The following LRRC8B variants were observed in gnomAD, a reference collection of about 807,000 sequenced individuals.
The protein encoded by LRRC8B is leucine rich repeat containing 8 VRAC subunit B.
A neutral mutation model predicts 58.8 loss-of-function variants in LRRC8B; 23 were observed. That is an observed-to-expected ratio of 0.39 (90% CI 0.28 to 0.55). LRRC8B has a LOEUF of 0.55. Ranked by LOEUF, LRRC8B falls within the 20% of genes least tolerant of loss-of-function variation. The pLI is 0.62. For synonymous variants in LRRC8B, 359 were observed against 374.1 expected, an observed-to-expected ratio of 0.96 and a Z score of 0.47; for missense variants, 694 against 936.0, an observed-to-expected ratio of 0.74 and a Z score of 3.37.
Position 89,584,173 on chromosome 1 carries a change from A to G in LRRC8B, c.1523A>G (p.His508Arg), listed in dbSNP as rs1249205815. 2 of 1,611,598 alleles carry G rather than the reference A, an allele frequency of 1.2e-6. No homozygotes were observed. Among genetic ancestry groups the G allele is most frequent in the Non-Finnish European group, 1.7e-6 (2 of 1,180,010 alleles). ...GGAAAAATCCCACGCTGGGTATTTC[A>G]CCTCAAGAATCTCAAGGAACTTTAT... ...EMGKIPRWVFHLKNLKELYLS... is the reference protein window; with the variant it reads ...EMGKIPRWVFRLKNLKELYLS... Residue 508 changes from histidine (H) to arginine (R), a missense_variant, in exon 5 of 6, where the codon CAC becomes CGC. His to Arg is a conservative substitution (Grantham distance 29). Coordinates refer to ENST00000330947, the MANE Select transcript of LRRC8B (RefSeq NM_001369817.2).
chr1:89,591,116 T>C (rs1321889187), intron 5 of LRRC8B, among the ~76,000 whole-genome samples: 1 of 152,174 alleles, frequency 6.6e-6, no homozygotes, highest in African/African-American at 2.4e-5. Flanking sequence ...TCTAACTCAG[T>C]ACTTGATCCC....
chr1:89,549,524 G>A (rs1411764637), intron 1 of LRRC8B, among the ~76,000 whole-genome samples: 1 of 152,164 alleles, frequency 6.6e-6, no homozygotes, highest in African/African-American at 2.4e-5. Context: ...GCAATAGGGA[G>A]GCTGCAAGTT....
At chr1:89,543,159 A>T (rs1651145313) in intron 1 of LRRC8B, among the ~76,000 whole-genome samples, 1 of 152,190 alleles carries the variant, frequency 6.6e-6, no homozygotes, top group South Asian at 2.1e-4. Flanking sequence ...TTCAATCTTC[A>T]CATTTTCTGA....
intron 3 of LRRC8B, among the ~76,000 whole-genome samples, chr1:89,576,821 GA>G (rs1351945617): frequency 6.6e-6 from 1 of 152,116 alleles, no homozygotes; most frequent in Non-Finnish European, 1.5e-5. Flanking sequence ...GGGACATAAG[GA>G]AACTAGTATA....
In LRRC8B at chr1:89,584,460, A is replaced by T; in HGVS notation, c.1810A>T (p.Ile604Phe). Residue 604 changes from isoleucine to phenylalanine, a missense_variant, in exon 5 of 6, where the codon ATT (isoleucine) becomes TTT (phenylalanine). Coordinates refer to ENST00000330947, the MANE Select transcript of LRRC8B (RefSeq NM_001369817.2). ...TGACCTGGAACGCATCCCACATTCC[A>T]TTTTCAGCCTGAATAATTTGCATGA... ...SCDLERIPHS[I>F]FSLNNLHELD... 6.2e-7 allele frequency: 1 copy of T among 1,614,166 alleles called. No individual in the cohort carries two copies. The highest frequency in any genetic ancestry group is 8.5e-7 in the Non-Finnish European group (1 of 1,180,024).
At chr1:89,550,500 G>T (rs1417401851) in intron 1 of LRRC8B, among the ~76,000 whole-genome samples, 1 of 152,080 alleles carries the variant, frequency 6.6e-6, no homozygotes, top group African/African-American at 2.4e-5. Flanking sequence ...CAGCTTTCCC[G>T]CTAGGTTCAC....
At chr1:89,550,801 TTCAC>T (rs2100900741) in intron 1 of LRRC8B, among the ~76,000 whole-genome samples, 1 of 152,310 alleles carries the variant, frequency 6.6e-6, no homozygotes, top group Non-Finnish European at 1.5e-5. Flanking sequence ...TACCATGGTC[TTCAC>T]TCTCACTGCT....
intron 4 of LRRC8B, among the ~76,000 whole-genome samples, chr1:89,581,310 G>A (rs527309978): frequency 3.8e-4 from 57 of 149,496 alleles, no homozygotes; most frequent in African/African-American, 1.4e-3. Context: ...CTTCCTTGGG[G>A]ATGCTACTAA....
intron 3 of LRRC8B, among the ~76,000 whole-genome samples, chr1:89,571,767 TTTTC>T (rs1230953220): frequency 2.0e-5 from 3 of 152,094 alleles, no homozygotes; most frequent in South Asian, 2.1e-4. Flanking sequence ...TGTGTGCTGG[TTTTC>T]TTTCTTTCTT....
At chr1:89,525,568 G>T (rs1268844467) in intron 1 of LRRC8B, among the ~76,000 whole-genome samples, 1 of 152,180 alleles carries the variant, frequency 6.6e-6, no homozygotes, top group African/African-American at 2.4e-5. Context: ...GGTGGTGTTG[G>T]GCGTTGATTT....
At chr1:89,567,702 G>T (rs1224009358) in intron 1 of LRRC8B, among the ~76,000 whole-genome samples, 4 of 152,124 alleles carry the variant, frequency 2.6e-5, no homozygotes, top group African/African-American at 9.6e-5. Context: ...AAATGTTTAT[G>T]CTCTTTTGAC....
chr1:89,588,761 G>A lies in LRRC8B; in HGVS notation c.2139+3972G>A, dbSNP rs144740260. Reference sequence around the variant, plus strand: ...AAGGTTGAATCAGTTATGATTTAGAGGTAGGAGTATAGATTTAAAACAAGA... The same window carrying A: ...AAGGTTGAATCAGTTATGATTTAGAAGTAGGAGTATAGATTTAAAACAAGA... On this transcript the variant is annotated intron_variant, in intron 5 of 5. Transcript: ENST00000330947. Among the ~76,000 whole-genome samples the A allele has an allele frequency of 5.9e-3, 892 of 152,288 alleles. 9 individuals carry two copies. Among genetic ancestry groups the A allele is most frequent in the African/African-American group, 0.02 (841 of 41,548 alleles).
chr1:89,539,505 A>G (rs899587456), intron 1 of LRRC8B, among the ~76,000 whole-genome samples: 4 of 152,176 alleles, frequency 2.6e-5, no homozygotes, highest in African/African-American at 4.8e-5. Flanking sequence ...GGACCCTACA[A>G]TTCCCATCGT....
chr1:89,538,194 G>T (rs1650680586), intron 1 of LRRC8B, among the ~76,000 whole-genome samples: 1 of 152,162 alleles, frequency 6.6e-6, no homozygotes, highest in African/African-American at 2.4e-5. Context: ...AGTATCACAA[G>T]ATAAAGAACA....
intron 1 of LRRC8B, among the ~76,000 whole-genome samples, chr1:89,544,223 T>G (rs902531689): frequency 6.6e-6 from 1 of 152,204 alleles, no homozygotes; most frequent in Non-Finnish European, 1.5e-5. Flanking sequence ...TTCAGTAGTT[T>G]ACACTTTTGA....
At chr1:89,588,150 A>G (rs181258261) in intron 5 of LRRC8B, 1 of 152,338 alleles carries the variant, frequency 6.6e-6, no homozygotes, top group Admixed American at 6.5e-5. Context: ...CTACCCACCA[A>G]GACTCATAAG....
chr1:89,528,713 C>G (rs1649884238), intron 1 of LRRC8B, among the ~76,000 whole-genome samples: 1 of 152,156 alleles, frequency 6.6e-6, no homozygotes, highest in Admixed American at 6.5e-5. Flanking sequence ...TAGGCTGATT[C>G]TACTTTTTGG....
At chr1:89,592,697 GGA>G in intron 5 of LRRC8B, 72 bp from the exon 6 acceptor site, 1 of 762,722 alleles carries the variant, frequency 1.3e-6, no homozygotes, top group Non-Finnish European at 1.9e-6. Context: ...TTTTTTTTTT[GGA>G]AAAAAGGTAA....
chr1:89,554,749 G>A (rs1443802212), intron 1 of LRRC8B, among the ~76,000 whole-genome samples: 1 of 152,078 alleles, frequency 6.6e-6, no homozygotes, highest in African/African-American at 2.4e-5. Context: ...AAAACAGATG[G>A]TATTGTCAAA....
Sources: allele counts gnomAD v4.1 joint callset (sites outside exome capture counted in the v4.1 genomes callset), GRCh38; gene constraint gnomAD v4.1.1; transcripts MANE v1.5; gene names NCBI Gene and HGNC (gene_info 2026-07-23, HGNC 2026-07-21).